Variants in MYO3B observed in about 807,000 individuals in gnomAD.
The protein encoded by MYO3B is myosin IIIB, also known as myosin-IIIb.
MYO3B carries 156 observed loss-of-function variants against 174.6 expected under a neutral mutation model. The ratio of observed to expected loss-of-function variants is 0.89; its 90% confidence interval spans 0.78 to 1.02. The LOEUF (loss-of-function observed/expected upper bound fraction) is 1.02, where lower values mean the gene tolerates loss of function less well. Among genes scored for constraint, MYO3B ranks in the 50% least tolerant of loss-of-function variants. The pLI is 0.00. For missense variants in MYO3B, 1,632 were observed against 1,639.4 expected (o/e 1.00, Z 0.08); for synonymous variants, 563 against 569.1 (o/e 0.99, Z 0.15).
chr2:170,601,835 T>A, intron 32 of MYO3B: 1 of 973,112 alleles, frequency 1.0e-6, no homozygotes. Context: ...TTATTCCACA[T>A]CTCTACCAGT....
chr2:170,450,510 A>C (rs1683538326), intron 23 of MYO3B, among the ~76,000 whole-genome samples: 1 of 152,054 alleles, frequency 6.6e-6, no homozygotes, highest in South Asian at 2.1e-4. Context: ...TCTAGACAAC[A>C]AGATCCTATG....
intron 8 of MYO3B, chr2:170,338,062 C>T (rs1244060177): frequency 2.6e-5 from 4 of 152,170 alleles, no homozygotes; most frequent in Admixed American, 6.6e-5. Flanking sequence ...AAGATAGTTC[C>T]TTATGGCAAA....
chr2:170,213,986 TA>T (rs1285199507), intron 3 of MYO3B, among the ~76,000 whole-genome samples: 1 of 152,194 alleles, frequency 6.6e-6, no homozygotes, highest in African/African-American at 2.4e-5. Context: ...AAATGCACAT[TA>T]AAAACATAGA....
chr2:170,321,252 A>G (rs559491952), intron 7 of MYO3B, among the ~76,000 whole-genome samples: 118 of 152,346 alleles, frequency 7.7e-4, no homozygotes, highest in Middle Eastern at 6.8e-3. Flanking sequence ...CACCCAAGAA[A>G]TTACAATTTT....
intron 32 of MYO3B, among the ~76,000 whole-genome samples, chr2:170,544,342 A>G (rs887145044): frequency 6.6e-6 from 1 of 152,202 alleles, no homozygotes; most frequent in African/African-American, 2.4e-5. Context: ...AAGAATATGG[A>G]TTTAGAAAGT....
intron 22 of MYO3B, among the ~76,000 whole-genome samples, chr2:170,422,428 C>T (rs959602104): frequency 1.5e-4 from 23 of 150,320 alleles, no homozygotes; most frequent in African/African-American, 4.2e-4. Flanking sequence ...TGGGACAGTG[C>T]TATACAATGA....
chr2:170,431,539 G>T (rs1230329919), intron 22 of MYO3B, among the ~76,000 whole-genome samples: 2 of 152,148 alleles, frequency 1.3e-5, no homozygotes, highest in Admixed American at 1.3e-4. Flanking sequence ...ATATTCTAAA[G>T]AAAAAAGTCA....
At chr2:170,372,853 A>G (rs1386718697) in intron 9 of MYO3B, among the ~76,000 whole-genome samples, 1 of 152,136 alleles carries the variant, frequency 6.6e-6, no homozygotes, top group Non-Finnish European at 1.5e-5. Context: ...GTAGAGGGGA[A>G]AGAAAGAGCA....
At chr2:170,359,673 G>A (rs754621965) in intron 8 of MYO3B, among the ~76,000 whole-genome samples, 1 of 152,176 alleles carries the variant, frequency 6.6e-6, no homozygotes, top group African/African-American at 2.4e-5. Context: ...CGCTTGGAAT[G>A]CCTCTTGCCT....
chr2:170,211,504 C>T (rs1004049661), intron 3 of MYO3B, among the ~76,000 whole-genome samples: 2 of 152,060 alleles, frequency 1.3e-5, no homozygotes, highest in South Asian at 4.1e-4. Context: ...TCACTGTGAG[C>T]GTATGCGGTA....
intron 7 of MYO3B, among the ~76,000 whole-genome samples, chr2:170,331,139 A>G (rs2093909185): frequency 6.6e-6 from 1 of 152,206 alleles, no homozygotes; most frequent in South Asian, 2.1e-4. Flanking sequence ...TGGAGCTACA[A>G]GTACTGTGCA....
chr2:170,563,064 T>A lies in MYO3B; in HGVS notation c.3733+19076T>A, dbSNP rs201659666. Among the ~76,000 whole-genome samples the A allele has an allele frequency of 1.2e-3, 69 of 57,664 alleles. 1 individual carries two copies. The highest frequency in any genetic ancestry group is 6.7e-4 in the Admixed American group (4 of 6,010). The allele number at this position is 57,664 out of a possible 152,430, so 37.8% of individuals were successfully genotyped here. ...CACACACACACACACACACACACAC[T>A]CTAGACACACACACTACACACACAT... is the stretch of plus-strand genomic sequence containing the variant. On this transcript the variant is annotated intron_variant, in intron 32 of 34. Transcript: ENST00000408978.
intron 1 of MYO3B, among the ~76,000 whole-genome samples, chr2:170,180,983 T>C (rs921977059): frequency 6.6e-6 from 1 of 152,200 alleles, no homozygotes; most frequent in African/African-American, 2.4e-5. Context: ...ACATTGTATT[T>C]AATTTTATGT....
intron 7 of MYO3B, among the ~76,000 whole-genome samples, chr2:170,296,655 T>G (rs2093630552): frequency 1.3e-5 from 2 of 152,148 alleles, no homozygotes. Flanking sequence ...CCAGCTGACC[T>G]CTGTATTAGT....
Position 170,310,706 on chromosome 2 carries a change from C to T in MYO3B, c.750-24679C>T, listed in dbSNP as rs557712433. Among the ~76,000 whole-genome samples the T allele has an allele frequency of 2.1e-5, 3 of 143,656 alleles. 1 individual carries two copies. Among genetic ancestry groups the T allele is most frequent in the South Asian group, 4.5e-4 (2 of 4,446 alleles). 94.2% of individuals were successfully genotyped at this position (143,656 alleles called of 152,430 possible). ...AAAAAAAGAAATACATTGGTTTGGT[C>T]CAGAAAGGCAGTACAACTTGAAGGT... On this transcript the variant is annotated intron_variant, in intron 7 of 34. Transcript: ENST00000408978.
chr2:170,352,240 A>G (rs1005176746), intron 8 of MYO3B, among the ~76,000 whole-genome samples: 3 of 152,330 alleles, frequency 2.0e-5, no homozygotes, highest in African/African-American at 7.2e-5. Context: ...GGTGTGAGCC[A>G]CCGTGCCCGG....
intron 32 of MYO3B, among the ~76,000 whole-genome samples, chr2:170,572,615 A>AG: frequency 6.6e-6 from 1 of 151,366 alleles, no homozygotes; most frequent in Admixed American, 6.6e-5. Context: ...ATCAAAAAAA[A>AG]AAAAAAAAAG....
intron 7 of MYO3B, among the ~76,000 whole-genome samples, chr2:170,305,256 T>C (rs2105454023): frequency 6.6e-6 from 1 of 152,298 alleles, no homozygotes; most frequent in South Asian, 2.1e-4. Context: ...GTATCTATCC[T>C]ACACTAAAAC....
chr2:170,545,757 A>T lies in MYO3B; in HGVS notation c.3733+1769A>T, dbSNP rs185248475. Among the ~76,000 whole-genome samples, 223 of 152,266 alleles carry T rather than the reference A, an allele frequency of 1.5e-3. 1 individual carries two copies. Among genetic ancestry groups the T allele is most frequent in the Middle Eastern group, 6.8e-3 (2 of 292 alleles). On this transcript the variant is annotated intron_variant, in intron 32 of 34. Transcript: ENST00000408978. ...TTCCTTCCAGTCTAAATGATTTTCT[A>T]TTGGGTCTGCCACCATCACCATTAC... is the stretch of plus-strand genomic sequence containing the variant.
Sources: allele counts gnomAD v4.1 joint callset (sites outside exome capture counted in the v4.1 genomes callset), GRCh38; gene constraint gnomAD v4.1.1; transcripts MANE v1.5; gene names NCBI Gene and HGNC (gene_info 2026-07-23, HGNC 2026-07-21).